Variants in UBL7 observed in about 807,000 individuals in gnomAD.
UBL7 encodes ubiquitin-like protein 7.
Under a neutral mutation model 41.7 loss-of-function variants are expected in UBL7, and 21 were observed. That is an observed-to-expected ratio of 0.50 (90% CI 0.36 to 0.73). The LOEUF (loss-of-function observed/expected upper bound fraction) is 0.73. Among genes scored for constraint, UBL7 ranks in the 30% least tolerant of loss-of-function variants. The pLI, the probability that UBL7 is intolerant of heterozygous loss-of-function variation, is 0.00. For synonymous variants in UBL7, 157 were observed against 186.9 expected, an observed-to-expected ratio of 0.84 and a Z score of 1.31; for missense variants, 403 against 478.4, an observed-to-expected ratio of 0.84 and a Z score of 1.47.
Position 74,451,514 on chromosome 15 carries a change from T to C in UBL7, c.394A>G (p.Lys132Glu). The change falls in exon 5 of 11, where the codon AAG (lysine) becomes GAG (glutamate). Residue 132 changes from lysine (K) to glutamate (E), a missense_variant. Lys to Glu is a moderately conservative substitution (Grantham distance 56). Coordinates refer to ENST00000395081, the MANE Select transcript of UBL7 (RefSeq NM_032907.5). ...AGAGACTCCTTATTGCTGAGCATCT[T>C]AAAGACCTGCAGGAGAAATGGCGGG... ...SSSSYREAVF[K>E]MLSNKESLDQ... 1 of 1,614,000 alleles carries C rather than the reference T, an allele frequency of 6.2e-7. No individual in the cohort carries two copies. The highest frequency in any genetic ancestry group is 8.5e-7 in the Non-Finnish European group (1 of 1,179,964).
intron 3 of UBL7, 87 bp downstream of exon 3, chr15:74,456,465 C>A (rs779698135): frequency 2.6e-6 from 4 of 1,548,056 alleles, no homozygotes; most frequent in Non-Finnish European, 8.8e-7. Context: ...CTTTGTTCCA[C>A]CCAGGCTTGT....
chr15:74,449,051 A>T, intron 9 of UBL7, 135 bp downstream of exon 9: 1 of 1,114,570 alleles, frequency 9.0e-7, no homozygotes. Flanking sequence ...CTGCAGTAAG[A>T]AATCCCCACC....
chr15:74,451,902 A>G (rs1349813668), intron 4 of UBL7, among the ~76,000 whole-genome samples: 2 of 152,186 alleles, frequency 1.3e-5, no homozygotes, highest in East Asian at 3.8e-4. Context: ...TATATCGCTA[A>G]GTTCACAGCT....
At chr15:74,448,662 C>T (rs997226133) in intron 9 of UBL7, 62 bp from the exon 10 acceptor site, 33 of 1,601,062 alleles carry the variant, frequency 2.1e-5, no homozygotes, top group Non-Finnish European at 2.5e-5. Flanking sequence ...AGCAGATGCT[C>T]GCTGTTGTCA....
chr15:74,448,616 T>G lies in UBL7; in HGVS notation c.883-16A>C, dbSNP rs1215010793. On this transcript the variant is annotated splice_polypyrimidine_tract_variant and intron_variant, in intron 9 of 10. Transcript: ENST00000395081. Reference sequence around the variant, plus strand: ...AGGAATGACCCTAGAGACAAATTAGTGGTCAGTGCCACCCTCAGCGCCATC... The same window carrying G: ...AGGAATGACCCTAGAGACAAATTAGGGGTCAGTGCCACCCTCAGCGCCATC... 6.2e-7 allele frequency: 1 copy of G among 1,613,530 alleles called. No homozygotes were observed. The highest frequency in any genetic ancestry group is 2.2e-5 in the East Asian group (1 of 44,866).
chr15:74,453,221 T>G (rs1029446605), intron 3 of UBL7, among the ~76,000 whole-genome samples: 1 of 152,158 alleles, frequency 6.6e-6, no homozygotes, highest in Non-Finnish European at 1.5e-5. Flanking sequence ...ATTACCTAAT[T>G]TATTCATTCA....
In UBL7 at chr15:74,451,470, G is replaced by T. The variant is rs758139907; in HGVS notation, c.438C>A (p.Ala146=). 11 of 1,614,076 alleles carry T rather than the reference G, an allele frequency of 6.8e-6. No individual in the cohort carries two copies. In the South Asian group the frequency reaches 1.1e-4, roughly 16 times the overall value. The change falls in exon 5 of 11, where the codon GCC becomes GCA. Residue 146 remains alanine (A), a synonymous_variant. Coordinates refer to ENST00000395081, the MANE Select transcript of UBL7 (RefSeq NM_032907.5). ...NKESLDQIIV[A]TPGLSSDPIA... is the part of the protein sequence containing the mutation. ...TAGGGTCACTGCTGAGGCCTGGGGT[G>T]GCCACAATGATCTGATCCAGAGACT...
chr15:74,456,756 T>C, intron 2 of UBL7, 85 bp from the exon 3 acceptor site: 1 of 1,446,782 alleles, frequency 6.9e-7, no homozygotes, highest in Non-Finnish European at 9.5e-7. Flanking sequence ...TTTGATTAGA[T>C]AGCTGGAGAA....
intron 6 of UBL7, 138 bp from the exon 7 acceptor site, chr15:74,450,207 A>G: frequency 9.0e-7 from 1 of 1,108,568 alleles, no homozygotes; most frequent in Non-Finnish European, 1.2e-6. Context: ...AGCATCTTCC[A>G]CCAGGAAGCT....
In UBL7 at chr15:74,449,914, A is replaced by G. The variant is rs199511178; in HGVS notation, c.664+22T>C. On this transcript the variant is annotated intron_variant, in intron 7 of 10. Coordinates refer to ENST00000395081, the MANE Select transcript of UBL7 (RefSeq NM_032907.5). ...CACTGCCGGCTCCTGAGGGGCCCAC[A>G]TTACACTTTTCAGGCGCTCACCTGG... The G allele has an allele frequency of 1.7e-5, 27 of 1,604,308 alleles. No homozygotes were observed. The East Asian group carries it at 6.1e-4, about 36-fold the overall frequency.
At chr15:74,448,824 C>T (rs1246127808) in intron 9 of UBL7, among the ~76,000 whole-genome samples, 1 of 152,124 alleles carries the variant, frequency 6.6e-6, no homozygotes, top group Non-Finnish European at 1.5e-5. Flanking sequence ...CAGCCTAGGA[C>T]CCCAGCACTG....
chr15:74,449,083 A>C (rs2061214617), intron 9 of UBL7, 103 bp downstream of exon 9: 10 of 1,385,490 alleles, frequency 7.2e-6, no homozygotes, highest in Non-Finnish European at 9.7e-6. Context: ...GTTCAGCTTA[A>C]ACTAGATCTA....
chr15:74,461,133 C>A lies in UBL7; in HGVS notation c.-126G>T. 1.0e-6 allele frequency: 1 copy of A among 997,316 alleles called. No homozygotes were observed. The highest frequency in any genetic ancestry group is 1.2e-6 in the Non-Finnish European group (1 of 835,790). The allele number at this position is 997,316 out of a possible 1,614,324, so 61.8% of individuals were successfully genotyped here. A position where few individuals can be genotyped will look rare whatever the true frequency, so the allele number is the denominator to read the frequency against. On this transcript the variant is annotated 5_prime_UTR_variant, in exon 1 of 11. Transcript: ENST00000395081. ...CCGTCCCGCGGAAGGAACCCGGCCG[C>A]ACTGCCGCCGGTGTAAACACTCACT... is the stretch of plus-strand genomic sequence containing the variant.
At chr15:74,456,702 C>T in intron 2 of UBL7, 31 bp from the exon 3 acceptor site, 1 of 1,593,906 alleles carries the variant, frequency 6.3e-7, no homozygotes, top group Non-Finnish European at 8.6e-7. Flanking sequence ...TTATATTTTG[C>T]TCCTCAAAAC....
chr15:74,446,362 C>T lies in UBL7; in HGVS notation c.1006-135G>A, dbSNP rs545225522. On this transcript the variant is annotated intron_variant, in intron 10 of 10. Transcript: ENST00000395081. This position sits in a 1 kb window ranked among gnomAD's most constrained non-coding sequence, Gnocchi z 4.1. ...GCTGCTGATGCTGAGTTCCACAGAA[C>T]ACGGTGCTTCTAGGAAGACTAAAAG... The T allele has an allele frequency of 5.2e-4, 587 of 1,121,490 alleles. 3 individuals carry two copies. Among genetic ancestry groups the T allele is most frequent in the Non-Finnish European group, 2.7e-4 (215 of 799,460 alleles). The allele number at this position is 1,121,490 out of a possible 1,614,324, so 69.5% of individuals were successfully genotyped here. A position where few individuals can be genotyped will look rare whatever the true frequency, so the allele number is the denominator to read the frequency against.
Position 74,446,322 on chromosome 15 carries a change from G to A in UBL7, c.1006-95C>T, listed in dbSNP as rs2061183641. 3.3e-6 allele frequency: 5 copies of A among 1,513,502 alleles called. No homozygotes were observed. The South Asian group carries it at 6.3e-5, about 19-fold the overall frequency. 93.8% of individuals were successfully genotyped at this position (1,513,502 alleles called of 1,614,324 possible). On this transcript the variant is annotated intron_variant, in intron 10 of 10. Transcript: ENST00000395081. This position sits in a 1 kb window ranked among gnomAD's most constrained non-coding sequence, Gnocchi z 4.1. ...TTCCGGGGAAGGAAAGGAAGATGGGGGAGTCCTCAGCAAAGCTGCTGATGC... is the reference window on the plus strand; with the variant it reads ...TTCCGGGGAAGGAAAGGAAGATGGGAGAGTCCTCAGCAAAGCTGCTGATGC...
At chr15:74,454,527 T>C (rs2061277218) in intron 3 of UBL7, among the ~76,000 whole-genome samples, 1 of 152,130 alleles carries the variant, frequency 6.6e-6, no homozygotes, top group African/African-American at 2.4e-5. Context: ...GCCTCTCAAG[T>C]AGCTGGGATT....
Position 74,446,054 on chromosome 15 carries a change from C to G in UBL7, c.*36G>C. On this transcript the variant is annotated 3_prime_UTR_variant, in exon 11 of 11. Transcript: ENST00000395081. The surrounding 1 kb of genome is among the most constrained non-coding windows in gnomAD (Gnocchi z 4.1). ...GAGTGCCTCCCAAGGGCAGTAGCCT[C>G]TGCAACTTGCTGGGGGTTCAGGGGA... The G allele has an allele frequency of 6.2e-7, 1 of 1,610,280 alleles. No individual in the cohort carries two copies. Among genetic ancestry groups the G allele is most frequent in the Non-Finnish European group, 8.5e-7 (1 of 1,178,042 alleles).
intron 3 of UBL7, among the ~76,000 whole-genome samples, chr15:74,455,746 G>A (rs1047346506): frequency 5.3e-5 from 8 of 152,192 alleles, no homozygotes; most frequent in African/African-American, 1.9e-4. Context: ...TGTACTTTGG[G>A]AGGCTGAGGT....
Sources: allele counts gnomAD v4.1 joint callset (sites outside exome capture counted in the v4.1 genomes callset), GRCh38; gene constraint gnomAD v4.1.1; non-coding constraint Gnocchi (gnomAD v3.1); transcripts MANE v1.5; gene names NCBI Gene and HGNC (gene_info 2026-07-23, HGNC 2026-07-21).